The following BBS9 variants were observed in gnomAD, a reference collection of about 807,000 sequenced individuals.
BBS9 encodes the protein protein PTHB1.
Under a neutral mutation model 117.7 loss-of-function variants are expected in BBS9, and 89 were observed. That is an observed-to-expected ratio of 0.76 (90% CI 0.64 to 0.90). The LOEUF (loss-of-function observed/expected upper bound fraction) is 0.90. Ranked by LOEUF, BBS9 falls within the 40% of genes least tolerant of loss-of-function variation. The pLI, the probability that BBS9 is intolerant of heterozygous loss-of-function variation, is 0.00. For synonymous variants in BBS9, 379 were observed against 370.9 expected, an observed-to-expected ratio of 1.02 and a Z score of -0.25; for missense variants, 982 against 1,042.2, an observed-to-expected ratio of 0.94 and a Z score of 0.80.
intron 5 of BBS9, 106 bp downstream of exon 5, chr7:33,177,697 A>C: frequency 1.2e-6 from 1 of 848,644 alleles, no homozygotes; most frequent in Non-Finnish European, 2.0e-6. Flanking sequence ...AAGAGTTAAA[A>C]TAGACATTTT....
chr7:33,586,504 G>A (rs1860917317), intron 21 of BBS9, among the ~76,000 whole-genome samples: 1 of 152,064 alleles, frequency 6.6e-6, no homozygotes, highest in Admixed American at 6.6e-5. Context: ...TCAGAGAACT[G>A]AGAGTTGAAC....
chr7:33,261,787 A>G (rs377179664), intron 6 of BBS9, among the ~76,000 whole-genome samples: 6 of 152,262 alleles, frequency 3.9e-5, no homozygotes, highest in African/African-American at 4.8e-5. Flanking sequence ...GTCAAAAAGC[A>G]CCACCGTTTA....
At chr7:33,388,725 A>T (rs369064303) in intron 19 of BBS9, among the ~76,000 whole-genome samples, 167 of 152,344 alleles carry the variant, frequency 1.1e-3, no homozygotes, top group African/African-American at 3.9e-3. Flanking sequence ...CTGTCTCTCC[A>T]AAAACTATTC....
intron 20 of BBS9, among the ~76,000 whole-genome samples, chr7:33,511,792 A>G (rs1341511696): frequency 1.3e-5 from 2 of 152,216 alleles, no homozygotes; most frequent in African/African-American, 4.8e-5. Context: ...AGGAAATGCT[A>G]TTGTGTGGAG....
At chr7:33,417,236 G>A (rs568006752) in intron 19 of BBS9, among the ~76,000 whole-genome samples, 27 of 152,152 alleles carry the variant, frequency 1.8e-4, no homozygotes, top group Middle Eastern at 3.4e-3. Context: ...TTCTATTTTA[G>A]TACATCATGG....
At chr7:33,472,182 A>G (rs1841135052) in intron 19 of BBS9, among the ~76,000 whole-genome samples, 1 of 152,194 alleles carries the variant, frequency 6.6e-6, no homozygotes, top group Non-Finnish European at 1.5e-5. Flanking sequence ...GAGAAATGAT[A>G]TTTTTATTTC....
At chr7:33,309,000 G>A (rs191531792) in intron 9 of BBS9, among the ~76,000 whole-genome samples, 2 of 152,308 alleles carry the variant, frequency 1.3e-5, no homozygotes, top group Admixed American at 6.5e-5. Flanking sequence ...GAATCAGAGT[G>A]AGCTTGGTTC....
intron 5 of BBS9, among the ~76,000 whole-genome samples, chr7:33,180,992 T>C (rs1249996763): frequency 6.6e-6 from 1 of 152,172 alleles, no homozygotes; most frequent in African/African-American, 2.4e-5. Flanking sequence ...GGGTGCTGAA[T>C]GTGTATGTGA....
At chr7:33,570,314 AG>A (rs1214453037) in intron 21 of BBS9, among the ~76,000 whole-genome samples, 5 of 152,342 alleles carry the variant, frequency 3.3e-5, no homozygotes. Context: ...AGCCTCAAAG[AG>A]CTTCCAACAG....
chr7:33,590,459 G>GTTTTTGT (rs1554551690), intron 21 of BBS9, among the ~76,000 whole-genome samples: 304 of 101,498 alleles, frequency 3.0e-3, no homozygotes, highest in Middle Eastern at 0.011. Flanking sequence ...TTGTTTTTTT[G>GTTTTTGT]TTTTTTTTTT....
intron 20 of BBS9, among the ~76,000 whole-genome samples, chr7:33,526,195 T>A (rs192657732): frequency 0.019 from 2,931 of 152,074 alleles, 40 homozygotes; most frequent in Middle Eastern, 0.048. Flanking sequence ...TTTCCTACAT[T>A]TCAACTTTGG....
In BBS9 at chr7:33,192,455, A is replaced by G. The variant is rs906805148; in HGVS notation, c.442+14864A>G. On this transcript the variant is annotated intron_variant, in intron 5 of 22. Coordinates refer to ENST00000242067, the MANE Select transcript of BBS9 (RefSeq NM_198428.3). ...CTTTCCTTTAAGATGGCAAAAATAT[A>G]TAGAATAATATAAAAACTGTGCACA... is the stretch of plus-strand genomic sequence containing the variant. 4.6e-5 allele frequency among the ~76,000 whole-genome samples: 7 copies of G among 152,318 alleles called. No homozygotes were observed. In the East Asian group the frequency reaches 1.4e-3, roughly 29 times the overall value.
At chr7:33,473,832 C>T (rs1013188769) in intron 19 of BBS9, among the ~76,000 whole-genome samples, 9 of 152,142 alleles carry the variant, frequency 5.9e-5, no homozygotes, top group South Asian at 4.2e-4. Flanking sequence ...TTATCACTTT[C>T]CCCACCAGAC....
chr7:33,371,979 G>A (rs916638935), intron 17 of BBS9, among the ~76,000 whole-genome samples: 1 of 152,164 alleles, frequency 6.6e-6, no homozygotes, highest in African/African-American at 2.4e-5. Flanking sequence ...ATCTGAGATG[G>A]TAAGGAAATC....
intron 14 of BBS9, chr7:33,351,555 C>A (rs1818656246): frequency 7.8e-6 from 4 of 513,654 alleles, no homozygotes; most frequent in Non-Finnish European, 1.4e-5. Context: ...CAGTTAATAG[C>A]AAATCTGATA....
intron 19 of BBS9, among the ~76,000 whole-genome samples, chr7:33,483,706 C>T (rs1414918691): frequency 1.3e-5 from 2 of 151,994 alleles, no homozygotes; most frequent in African/African-American, 4.8e-5. Context: ...TCATGCCTCA[C>T]TGCAGCTTTG....
chr7:33,584,739 A>T (rs1351897983), intron 21 of BBS9, among the ~76,000 whole-genome samples: 2 of 152,114 alleles, frequency 1.3e-5, no homozygotes, highest in Non-Finnish European at 2.9e-5. Flanking sequence ...TACATGCATG[A>T]GATTGCTCTC....
At chr7:33,236,334 A>AG (rs1793484701) in intron 5 of BBS9, among the ~76,000 whole-genome samples, 1 of 151,318 alleles carries the variant, frequency 6.6e-6, no homozygotes, top group Admixed American at 6.6e-5. Context: ...TCAAAAAAAA[A>AG]AAAAAAGAAA....
chr7:33,309,738 A>G (rs1368122960), intron 9 of BBS9, among the ~76,000 whole-genome samples: 1 of 152,214 alleles, frequency 6.6e-6, no homozygotes. Context: ...AGTTAATATA[A>G]TTCAAGTGGA....
Sources: allele counts gnomAD v4.1 joint callset (sites outside exome capture counted in the v4.1 genomes callset), GRCh38; gene constraint gnomAD v4.1.1; transcripts MANE v1.5; gene names NCBI Gene and HGNC (gene_info 2026-07-23, HGNC 2026-07-21).